Variants in NMNAT2 observed in about 807,000 individuals in gnomAD.
NMNAT2 encodes the protein nicotinamide/nicotinic acid mononucleotide adenylyltransferase 2.
NMNAT2 carries 11 observed loss-of-function variants against 41.6 expected under a neutral mutation model. The ratio of observed to expected loss-of-function variants is 0.26; its 90% CI spans 0.17 to 0.44. NMNAT2 has a LOEUF of 0.44. NMNAT2 is among the 20% of genes least tolerant of loss of function. The probability of loss-of-function intolerance (pLI) is 1.00; values close to 1 mark genes in which losing one functional copy is unlikely to be tolerated. For missense variants in NMNAT2, 288 were observed against 407.7 expected, an observed-to-expected ratio of 0.71 and a Z score of 2.53; for synonymous variants, 148 against 151.2, an observed-to-expected ratio of 0.98 and a Z score of 0.16.
chr1:183,289,730 C>T (rs559285768), intron 4 of NMNAT2, among the ~76,000 whole-genome samples: 1 of 152,314 alleles, frequency 6.6e-6, no homozygotes, highest in African/African-American at 2.4e-5. Context: ...TTGTACCTCC[C>T]CTAAGTGCTT....
rs1161687568 is a variant in NMNAT2 at position 183,389,852 on chromosome 1, GAGAA to G, written c.85+28327_85+28330del. Among the ~76,000 whole-genome samples, 300 of 47,558 alleles carry G rather than the reference GAGAA, an allele frequency of 6.3e-3. 31 individuals are homozygous for G. In the South Asian group the frequency reaches 0.08, roughly 13 times the overall value. The allele number at this position is 47,558 out of a possible 152,430, so 31.2% of individuals were successfully genotyped here. A position where few individuals can be genotyped will look rare whatever the true frequency, so the allele number is the denominator to read the frequency against. The stretch of plus-strand genomic sequence containing the variant: ...AGAAAGAAAGAAAGAAAGGAAAAAA[GAGAA>G]AGAAAGAAAGAAAGAAGGGAGGGAG... On this transcript the variant is annotated intron_variant, in intron 1 of 10. Transcript: ENST00000287713.
rs1425256651 is a variant in NMNAT2, at chr1:183,341,745, AAAC to A, written c.86-47955_86-47953del. Among the ~76,000 whole-genome samples, 48 of 144,644 alleles carry A rather than the reference AAAC, an allele frequency of 3.3e-4. 9 individuals are homozygous for A. The highest frequency in any genetic ancestry group is 2.1e-3 in the South Asian group (9 of 4,348). The allele number at this position is 144,644 out of a possible 152,430, so 94.9% of individuals were successfully genotyped here. A position where few individuals can be genotyped will look rare whatever the true frequency, so the allele number is the denominator to read the frequency against. ...AACACCAAAAAAAAAAAAAAAAAAA[AAAC>A]CTGTTTCCTTCACTCCAGGTTACTT... On this transcript the variant is annotated intron_variant, in intron 1 of 10. Transcript: ENST00000287713.
chr1:183,295,580 G>T (rs776314194), intron 1 of NMNAT2, among the ~76,000 whole-genome samples: 56 of 152,106 alleles, frequency 3.7e-4, no homozygotes, highest in Non-Finnish European at 7.4e-4. Context: ...GTGTTGTAGA[G>T]TTCTGTGGGT....
chr1:183,296,135 C>T (rs1188011510), intron 1 of NMNAT2, among the ~76,000 whole-genome samples: 2 of 152,196 alleles, frequency 1.3e-5, no homozygotes, highest in East Asian at 1.9e-4. Flanking sequence ...CAGGCGTGAG[C>T]CACCGCGCCC....
chr1:183,407,847 T>G (rs1195439140), intron 1 of NMNAT2, among the ~76,000 whole-genome samples: 4 of 152,220 alleles, frequency 2.6e-5, no homozygotes, highest in African/African-American at 9.6e-5. Context: ...AGGAGGTAGC[T>G]ATGAAACAAG....
chr1:183,346,729 C>A (rs1161101064), intron 1 of NMNAT2, among the ~76,000 whole-genome samples: 2 of 152,176 alleles, frequency 1.3e-5, no homozygotes, highest in Non-Finnish European at 2.9e-5. Flanking sequence ...AACCAATTTC[C>A]TCTGCTCAGC....
At chr1:183,402,846 C>T (rs1435940795) in intron 1 of NMNAT2, among the ~76,000 whole-genome samples, 1 of 151,844 alleles carries the variant, frequency 6.6e-6, no homozygotes, top group Non-Finnish European at 1.5e-5. Context: ...ACCTAATTGA[C>T]AAGTTGGGTT....
At chr1:183,263,568 C>T (rs1261767296) in intron 8 of NMNAT2, among the ~76,000 whole-genome samples, 2 of 152,180 alleles carry the variant, frequency 1.3e-5, no homozygotes, top group Admixed American at 6.5e-5. Flanking sequence ...CCTGTAATCC[C>T]AGCACTTTGG....
intron 2 of NMNAT2, 106 bp from the exon 3 acceptor site, chr1:183,292,963 T>C: frequency 9.9e-7 from 1 of 1,009,838 alleles, no homozygotes; most frequent in South Asian, 1.4e-5. Context: ...CATTTTTCAG[T>C]GGTGAGAGGG....
chr1:183,367,658 G>T (rs1663442553), intron 1 of NMNAT2, among the ~76,000 whole-genome samples: 1 of 152,104 alleles, frequency 6.6e-6, no homozygotes, highest in African/African-American at 2.4e-5. Context: ...TCAACACATT[G>T]TTGACCACAT....
chr1:183,378,769 C>T (rs537003666), intron 1 of NMNAT2, among the ~76,000 whole-genome samples: 8 of 150,912 alleles, frequency 5.3e-5, no homozygotes, highest in Non-Finnish European at 1.0e-4. Flanking sequence ...ATTGGCCAGG[C>T]GAGGTGGCTC....
intron 1 of NMNAT2, among the ~76,000 whole-genome samples, chr1:183,334,424 C>T (rs556805029): frequency 7.5e-4 from 114 of 152,202 alleles, no homozygotes; most frequent in Middle Eastern, 3.4e-3. Context: ...ACTGAAAGCC[C>T]AGATTCAACT....
At chr1:183,386,484 A>G (rs1028344538) in intron 1 of NMNAT2, among the ~76,000 whole-genome samples, 13 of 152,198 alleles carry the variant, frequency 8.5e-5, no homozygotes, top group African/African-American at 2.9e-4. Context: ...CATCTTATGA[A>G]ACTGATAAAA....
rs754375964 is a variant in NMNAT2, at chr1:183,292,746, AAGTCTCCGGGCCAC to A, written c.242+30_242+43del. On this transcript the variant is annotated intron_variant, in intron 3 of 10. Transcript: ENST00000287713. Reference sequence around the variant, plus strand: ...CTTTTTTCCCCACCCCACTCCCAGTAAGTCTCCGGGCCACTGCCTCTGGCATCTTCAGGCCAGTC... The same window carrying A: ...CTTTTTTCCCCACCCCACTCCCAGTATGCCTCTGGCATCTTCAGGCCAGTC... 114 of 1,570,144 alleles carry A rather than the reference AAGTCTCCGGGCCAC, an allele frequency of 7.3e-5. 1 individual carries two copies. The Middle Eastern group carries it at 8.3e-4, about 11-fold the overall frequency.
intron 1 of NMNAT2, among the ~76,000 whole-genome samples, chr1:183,367,404 G>A (rs1663436858): frequency 6.6e-6 from 1 of 152,174 alleles, no homozygotes; most frequent in African/African-American, 2.4e-5. Flanking sequence ...TTTGCAGTGA[G>A]CCGAGATCGT....
chr1:183,365,282 A>ACGGTGG (rs1381112649), intron 1 of NMNAT2, among the ~76,000 whole-genome samples: 1 of 151,800 alleles, frequency 6.6e-6, no homozygotes, highest in Non-Finnish European at 1.5e-5. Flanking sequence ...GAACCACAGA[A>ACGGTGG]CGGTGGCACA....
At chr1:183,372,289 A>G (rs1190415457) in intron 1 of NMNAT2, among the ~76,000 whole-genome samples, 1 of 152,212 alleles carries the variant, frequency 6.6e-6, no homozygotes, top group Non-Finnish European at 1.5e-5. Flanking sequence ...ACCAGAAAAA[A>G]CAGAGACACA....
rs199860522 is a variant in NMNAT2, at chr1:183,284,736, G to T, written c.503C>A (p.Pro168Gln). 6.2e-7 allele frequency: 1 copy of T among 1,614,104 alleles called. No individual in the cohort carries two copies. The highest frequency in any genetic ancestry group is 8.5e-7 in the Non-Finnish European group (1 of 1,179,974). The change falls in exon 6 of 11, where the codon CCG becomes CAG. Residue 168 changes from proline to glutamine, a missense_variant. Transcript: ENST00000287713. ...ESLSRICCVR[P>Q]PVERFTFVDE... ...TACAAAGGTGAAACGCTCCACCGGCGGGCGGACACAGCAGATCCGGCTGAG... is the reference window on the plus strand; with the variant it reads ...TACAAAGGTGAAACGCTCCACCGGCTGGCGGACACAGCAGATCCGGCTGAG...
intron 1 of NMNAT2, among the ~76,000 whole-genome samples, chr1:183,369,916 T>C (rs1557891858): frequency 6.6e-6 from 1 of 151,940 alleles, no homozygotes; most frequent in Non-Finnish European, 1.5e-5. Flanking sequence ...GCACAGTCAG[T>C]TTAAATAAAT....
Sources: allele counts gnomAD v4.1 joint callset (sites outside exome capture counted in the v4.1 genomes callset), GRCh38; gene constraint gnomAD v4.1.1; transcripts MANE v1.5; gene names NCBI Gene and HGNC (gene_info 2026-07-23, HGNC 2026-07-21).